Variants in LYPD6 observed in about 807,000 individuals in gnomAD.
LYPD6 encodes ly6/PLAUR domain-containing protein 6.
A neutral mutation model predicts 22.7 loss-of-function variants in LYPD6; 15 were observed. That is an observed-to-expected ratio of 0.66 (90% CI 0.44 to 1.02). The LOEUF is 1.02. LYPD6 is among the 50% of genes least tolerant of loss of function. The pLI is 0.00. For synonymous variants in LYPD6, 72 were observed against 77.5 expected (o/e 0.93, Z 0.37); for missense variants, 189 against 208.4 (o/e 0.91, Z 0.57).
chr2:149,483,245 C>T, the LYPD6 span, among the ~76,000 whole-genome samples: 1 of 152,184 alleles, frequency 6.6e-6, no homozygotes, highest in South Asian at 2.1e-4. Flanking sequence ...AAACCTTTGA[C>T]CAGGGAACTT....
downstream of LYPD6, among the ~76,000 whole-genome samples, chr2:149,478,031 C>G (rs923008894): frequency 6.6e-6 from 1 of 152,126 alleles, no homozygotes; most frequent in Non-Finnish European, 1.5e-5. Context: ...TATTATTGTT[C>G]ATCTTTGACG....
chr2:149,451,257 G>A (rs1300082079), intron 3 of LYPD6, among the ~76,000 whole-genome samples: 1 of 152,070 alleles, frequency 6.6e-6, no homozygotes, highest in Non-Finnish European at 1.5e-5. Context: ...GCGGGGAAGG[G>A]AACAGACCCA....
chr2:149,366,583 G>A (rs1431104311), intron 1 of LYPD6, among the ~76,000 whole-genome samples: 1 of 152,174 alleles, frequency 6.6e-6, no homozygotes. Context: ...AGGGACTGGG[G>A]GAGGTGCACT....
chr2:149,483,909 G>C, the LYPD6 span, among the ~76,000 whole-genome samples: 4 of 152,168 alleles, frequency 2.6e-5, no homozygotes, highest in Non-Finnish European at 5.9e-5. Flanking sequence ...TGACAAGAGA[G>C]AACTGTAAAA....
chr2:149,455,590 C>T (rs990663403), intron 3 of LYPD6, among the ~76,000 whole-genome samples: 1 of 152,126 alleles, frequency 6.6e-6, no homozygotes, highest in Admixed American at 6.5e-5. Flanking sequence ...GTCCTATCAG[C>T]CCATACAAGA....
At chr2:149,360,800 A>G (rs1030806972) in intron 1 of LYPD6, among the ~76,000 whole-genome samples, 2 of 152,028 alleles carry the variant, frequency 1.3e-5, no homozygotes, top group Non-Finnish European at 2.9e-5. Flanking sequence ...TTCACAATAT[A>G]GCTTTGATGT....
At chr2:149,390,877 A>G (rs1239631585) in intron 1 of LYPD6, among the ~76,000 whole-genome samples, 5 of 152,214 alleles carry the variant, frequency 3.3e-5, no homozygotes, top group Non-Finnish European at 7.4e-5. Flanking sequence ...AACAACTTTT[A>G]TTTATTGAGA....
intron 1 of LYPD6, among the ~76,000 whole-genome samples, chr2:149,342,822 A>C (rs1420841552): frequency 4.6e-5 from 7 of 152,208 alleles, no homozygotes; most frequent in Admixed American, 4.6e-4. Flanking sequence ...AGCTCCCCAC[A>C]GTCCTGATAA....
chr2:149,381,314 G>A (rs1040343430), intron 1 of LYPD6, among the ~76,000 whole-genome samples: 2 of 152,174 alleles, frequency 1.3e-5, no homozygotes, highest in Non-Finnish European at 2.9e-5. Context: ...TGATGTAGTA[G>A]AGAGCAAAAA....
intron 1 of LYPD6, among the ~76,000 whole-genome samples, chr2:149,361,251 A>G (rs2105068209): frequency 6.6e-6 from 1 of 152,298 alleles, no homozygotes; most frequent in African/African-American, 2.4e-5. Flanking sequence ...TTCCTTATAT[A>G]GATTTAAGTC....
At chr2:149,417,349 C>A (rs78051757) in intron 1 of LYPD6, among the ~76,000 whole-genome samples, 44 of 152,290 alleles carry the variant, frequency 2.9e-4, no homozygotes, top group African/African-American at 1.0e-3. Context: ...AGTGGGGAAC[C>A]ATTGACAGTT....
chr2:149,463,001 T>C (rs556701117), intron 3 of LYPD6, among the ~76,000 whole-genome samples: 1 of 152,106 alleles, frequency 6.6e-6, no homozygotes, highest in South Asian at 2.1e-4. Context: ...TTAGACTTAA[T>C]ACCAAAAGCA....
intron 1 of LYPD6, among the ~76,000 whole-genome samples, chr2:149,392,869 C>CA (rs970761294): frequency 2.5e-4 from 38 of 152,116 alleles, no homozygotes; most frequent in African/African-American, 8.7e-4. Flanking sequence ...TCTAAAAATA[C>CA]AAAAAAATTT....
At chr2:149,416,364 G>T (rs528490108) in intron 1 of LYPD6, among the ~76,000 whole-genome samples, 8 of 152,152 alleles carry the variant, frequency 5.3e-5, no homozygotes, top group Non-Finnish European at 1.2e-4. Context: ...TGCTGCATGT[G>T]TCTGTTCAGT....
intron 1 of LYPD6, among the ~76,000 whole-genome samples, chr2:149,351,165 A>G (rs909375339): frequency 2.0e-5 from 3 of 152,292 alleles, no homozygotes; most frequent in African/African-American, 4.8e-5. Flanking sequence ...GAGACCGTAC[A>G]GGTGGATCAC....
chr2:149,429,231 C>G (rs531728714), intron 1 of LYPD6, among the ~76,000 whole-genome samples: 22 of 152,194 alleles, frequency 1.4e-4, no homozygotes, highest in Non-Finnish European at 3.2e-4. Flanking sequence ...AAAGATGGAC[C>G]TCCCTCCTTT....
At chr2:149,389,486 G>A (rs1285641757) in intron 1 of LYPD6, among the ~76,000 whole-genome samples, 1 of 152,116 alleles carries the variant, frequency 6.6e-6, no homozygotes, top group Non-Finnish European at 1.5e-5. Flanking sequence ...ACAGATATAC[G>A]AAAATTAGAG....
intron 1 of LYPD6, among the ~76,000 whole-genome samples, chr2:149,349,012 G>A (rs112237083): frequency 4.0e-4 from 61 of 152,280 alleles, no homozygotes; most frequent in African/African-American, 1.3e-3. Flanking sequence ...CCTGATAACT[G>A]GAAGGGTGGG....
At position 149,432,630 on chromosome 2, in the gene LYPD6, C is replaced by T. The variant is rs78219560; in HGVS notation, c.-71-5008C>T. ...GCAGGCCTTCCTCTTAATCTTCTAC[C>T]GTTGTGGTGTCATTTGAGGTGGTGA... On this transcript the variant is annotated intron_variant, in intron 1 of 4. Transcript: ENST00000334166. 4.7e-3 allele frequency among the ~76,000 whole-genome samples: 716 copies of T among 152,232 alleles called. 3 individuals are homozygous for T. The highest frequency in any genetic ancestry group is 0.015 in the African/African-American group (614 of 41,542).
Sources: allele counts gnomAD v4.1 joint callset (sites outside exome capture counted in the v4.1 genomes callset), GRCh38; gene constraint gnomAD v4.1.1; transcripts MANE v1.5; gene names NCBI Gene and HGNC (gene_info 2026-07-23, HGNC 2026-07-21).